The following XKR4 variants were observed in gnomAD, a reference collection of about 807,000 sequenced individuals.
XKR4 encodes the protein XK-related protein 4.
XKR4 carries 12 observed loss-of-function variants against 53.9 expected under a neutral mutation model. The observed-to-expected ratio is 0.22, with a 90% CI of 0.14 to 0.36. The LOEUF is 0.36. Ranked by LOEUF, XKR4 falls within the 10% of genes least tolerant of loss-of-function variation. The pLI is 1.00. For missense variants in XKR4, 799 were observed against 859.5 expected, an observed-to-expected ratio of 0.93 and a Z score of 0.88; for synonymous variants, 354 against 362.4, an observed-to-expected ratio of 0.98 and a Z score of 0.26.
At chr8:55,307,372 T>G (rs1375468911) in intron 1 of XKR4, among the ~76,000 whole-genome samples, 4 of 151,868 alleles carry the variant, frequency 2.6e-5, no homozygotes, top group Admixed American at 2.6e-4. Context: ...ACAGGAGGGG[T>G]GCAGTGGCTC....
At chr8:55,447,253 A>C (rs1805360779) in intron 2 of XKR4, among the ~76,000 whole-genome samples, 1 of 152,228 alleles carries the variant, frequency 6.6e-6, no homozygotes, top group Admixed American at 6.5e-5. Context: ...AAACCATTCT[A>C]TGTGGCAAGA....
chr8:55,407,302 G>A (rs893836609), intron 2 of XKR4, among the ~76,000 whole-genome samples: 2 of 152,208 alleles, frequency 1.3e-5, no homozygotes, highest in Non-Finnish European at 2.9e-5. Flanking sequence ...GTGAAGCGGG[G>A]CTTTCGCACT....
rs906198320 is a variant in XKR4 at position 55,529,155 on chromosome 8, A to C, written c.*4928A>C. Reference sequence around the variant, plus strand: ...CATAATGAGCCATTTAATTTTGCTAATTGAAGCAATTAGTCTAACATGCAA... The same window carrying C: ...CATAATGAGCCATTTAATTTTGCTACTTGAAGCAATTAGTCTAACATGCAA... On this transcript the variant is annotated 3_prime_UTR_variant, in exon 3 of 3. Transcript: ENST00000327381. The C allele has an allele frequency of 6.6e-6, 1 of 151,824 alleles. No homozygotes were observed. Among genetic ancestry groups the C allele is most frequent in the African/African-American group, 2.4e-5 (1 of 41,286 alleles). The allele number at this position is 151,824 out of a possible 1,614,324, so 9.4% of individuals were successfully genotyped here. A position where few individuals can be genotyped will look rare whatever the true frequency, so the allele number is the denominator to read the frequency against.
At position 55,266,961 on chromosome 8, in the gene XKR4, T is replaced by C. The variant is rs187328130; in HGVS notation, c.807-90717T>C. On this transcript the variant is annotated intron_variant, in intron 1 of 2. Coordinates refer to ENST00000327381, the MANE Select transcript of XKR4 (RefSeq NM_052898.2). ...TTGTGTCCCCTAATGATGGCCAAAATGAATTCACGACCTCTCCTCCCATTA... is the reference window on the plus strand; with the variant it reads ...TTGTGTCCCCTAATGATGGCCAAAACGAATTCACGACCTCTCCTCCCATTA... 2.4e-3 allele frequency among the ~76,000 whole-genome samples: 364 copies of C among 152,280 alleles called. 6 individuals are homozygous for C. The highest frequency in any genetic ancestry group is 0.021 in the Admixed American group (319 of 15,288).
intron 1 of XKR4, among the ~76,000 whole-genome samples, chr8:55,248,135 G>C (rs188179003): frequency 2.0e-5 from 3 of 151,942 alleles, no homozygotes; most frequent in Non-Finnish European, 4.4e-5. Flanking sequence ...GATTACAGGC[G>C]TGAGCCACCA....
At chr8:55,254,890 T>A (rs1585969691) in intron 1 of XKR4, among the ~76,000 whole-genome samples, 1 of 152,144 alleles carries the variant, frequency 6.6e-6, no homozygotes, top group Admixed American at 6.5e-5. Flanking sequence ...TATTGAAAGA[T>A]TTTGTCTACT....
intron 1 of XKR4, among the ~76,000 whole-genome samples, chr8:55,178,087 G>T (rs1817257103): frequency 6.6e-6 from 1 of 152,166 alleles, no homozygotes; most frequent in East Asian, 1.9e-4. Context: ...TTGCCCTCTG[G>T]TTTTTCCAAG....
intron 2 of XKR4, among the ~76,000 whole-genome samples, chr8:55,448,410 G>A (rs1259458273): frequency 6.6e-6 from 1 of 152,198 alleles, no homozygotes; most frequent in South Asian, 2.1e-4. Context: ...GTCGCTGATT[G>A]AAGGGATTTT....
At chr8:55,260,984 T>A (rs989148194) in intron 1 of XKR4, among the ~76,000 whole-genome samples, 9 of 152,140 alleles carry the variant, frequency 5.9e-5, no homozygotes, top group Non-Finnish European at 1.3e-4. Flanking sequence ...AGAAAATGAT[T>A]TGGGGGCTGC....
At chr8:55,487,007 G>A (rs1806202077) in intron 2 of XKR4, among the ~76,000 whole-genome samples, 1 of 152,106 alleles carries the variant, frequency 6.6e-6, no homozygotes, top group African/African-American at 2.4e-5. Flanking sequence ...ATATGAGAGG[G>A]GATTTATTAG....
At chr8:55,346,964 A>G (rs897459274) in intron 1 of XKR4, among the ~76,000 whole-genome samples, 2 of 152,196 alleles carry the variant, frequency 1.3e-5, no homozygotes, top group Admixed American at 6.5e-5. Context: ...TTATTCAGCT[A>G]TGGATATATC....
intron 1 of XKR4, among the ~76,000 whole-genome samples, chr8:55,171,608 C>G (rs1300764592): frequency 6.6e-6 from 1 of 152,152 alleles, no homozygotes; most frequent in Non-Finnish European, 1.5e-5. Context: ...AAACACATTT[C>G]CAAGATGAAT....
intron 2 of XKR4, among the ~76,000 whole-genome samples, chr8:55,491,949 G>C (rs1806278536): frequency 6.6e-6 from 1 of 152,168 alleles, no homozygotes; most frequent in Non-Finnish European, 1.5e-5. Flanking sequence ...GCCGATGCAG[G>C]TTTCTGGAAC....
At chr8:55,359,901 C>G (rs755904438) in intron 2 of XKR4, among the ~76,000 whole-genome samples, 3 of 152,170 alleles carry the variant, frequency 2.0e-5, no homozygotes, top group Non-Finnish European at 2.9e-5. Flanking sequence ...GTCTTTGGCT[C>G]TTTCCTCACA....
chr8:55,450,905 G>A, intron 2 of XKR4: 1 of 480,508 alleles, frequency 2.1e-6, no homozygotes, highest in Non-Finnish European at 3.9e-6. Flanking sequence ...GCAGCAGCTT[G>A]TGGATCTGAA....
chr8:55,153,207 GTTGT>G (rs1428618109), intron 1 of XKR4, among the ~76,000 whole-genome samples: 2 of 152,182 alleles, frequency 1.3e-5, no homozygotes, highest in African/African-American at 4.8e-5. Context: ...AATTGGACGA[GTTGT>G]TTGTGTTTAC....
intron 1 of XKR4, among the ~76,000 whole-genome samples, chr8:55,229,398 A>C (rs1478520926): frequency 6.6e-6 from 1 of 152,224 alleles, no homozygotes; most frequent in Non-Finnish European, 1.5e-5. Flanking sequence ...CCTTCCCGGA[A>C]ACCTGATTGT....
intron 1 of XKR4, among the ~76,000 whole-genome samples, chr8:55,193,231 G>A (rs908922338): frequency 6.6e-6 from 1 of 151,814 alleles, no homozygotes; most frequent in African/African-American, 2.4e-5. Context: ...TTTAACCTTC[G>A]TGCTTGCATG....
intron 2 of XKR4, among the ~76,000 whole-genome samples, chr8:55,366,948 G>C (rs1803997536): frequency 6.6e-6 from 1 of 152,100 alleles, no homozygotes; most frequent in Non-Finnish European, 1.5e-5. Context: ...TTCACAAACT[G>C]CTTGAAAAAT....
Sources: allele counts gnomAD v4.1 joint callset (sites outside exome capture counted in the v4.1 genomes callset), GRCh38; gene constraint gnomAD v4.1.1; transcripts MANE v1.5; gene names NCBI Gene and HGNC (gene_info 2026-07-23, HGNC 2026-07-21).